UMPS: variants seen among roughly 807,000 people sequenced by gnomAD.
The protein encoded by UMPS is uridine 5'-monophosphate synthase.
Under a neutral mutation model 38.9 loss-of-function variants are expected in UMPS, and 21 were observed. The ratio of observed to expected loss-of-function variants is 0.54; its 90% CI spans 0.38 to 0.78. UMPS has a LOEUF of 0.78. UMPS is among the 30% of genes least tolerant of loss of function. The probability of loss-of-function intolerance (pLI) is 0.00; values close to 1 mark genes in which losing one functional copy is unlikely to be tolerated. For missense variants in UMPS, 533 were observed against 591.6 expected, an observed-to-expected ratio of 0.90 and a Z score of 1.03; for synonymous variants, 208 against 219.3, an observed-to-expected ratio of 0.95 and a Z score of 0.45.
chr3:124,744,062 A>G lies in UMPS; in HGVS notation c.1421A>G (p.Tyr474Cys). The G allele has an allele frequency of 1.2e-6, 2 of 1,614,104 alleles. No homozygotes were observed. Among genetic ancestry groups the G allele is most frequent in the Non-Finnish European group, 1.7e-6 (2 of 1,179,972 alleles). The change falls in exon 6 of 6, where the codon TAT becomes TGT. Residue 474 changes from tyrosine to cysteine, a missense_variant. Coordinates refer to ENST00000232607, the MANE Select transcript of UMPS (RefSeq NM_000373.4). ...EMYRKAAWEAYLSRLGV is the reference protein window; with the variant it reads ...EMYRKAAWEACLSRLGV The stretch of plus-strand genomic sequence containing the variant: ...TACAGAAAAGCTGCTTGGGAAGCGT[A>G]TTTGAGTAGACTTGGTGTTTGAGTG...
chr3:124,748,946 A>G lies in UMPS; in HGVS notation c.*4862A>G, dbSNP rs886057898. The G allele has an allele frequency of 8.8e-6, 4 of 453,214 alleles. No homozygotes were observed. The highest frequency in any genetic ancestry group is 1.8e-5 in the Non-Finnish European group (4 of 226,276). 28.1% of individuals were successfully genotyped at this position (453,214 alleles called of 1,614,324 possible). A position where few individuals can be genotyped will look rare whatever the true frequency, so the allele number is the denominator to read the frequency against. On this transcript the variant is annotated 3_prime_UTR_variant, in exon 6 of 6. Transcript: ENST00000232607. Reference sequence around the variant, plus strand: ...GGTAAGGACAGTCAGTGGGAAGTGGACGGGCCGCACAACCAAGGTTCTCAT... The same window carrying G: ...GGTAAGGACAGTCAGTGGGAAGTGGGCGGGCCGCACAACCAAGGTTCTCAT...
chr3:124,742,089 T>C lies in UMPS; in HGVS notation c.1159-63T>C, dbSNP rs948016117. The C allele has an allele frequency of 4.0e-6, 5 of 1,263,672 alleles. No individual in the cohort carries two copies. The Admixed American group carries it at 9.3e-5, about 24-fold the overall frequency. 78.3% of individuals were successfully genotyped at this position (1,263,672 alleles called of 1,614,324 possible). On this transcript the variant is annotated intron_variant, in intron 4 of 5. Coordinates refer to ENST00000232607, the MANE Select transcript of UMPS (RefSeq NM_000373.4). The stretch of plus-strand genomic sequence containing the variant: ...TAAGTTTTGAAAAAATAGAGCATAT[T>C]TTTACTTTTATTCTGTGTGATTAAC...
At chr3:124,738,329 T>C (rs1245015687) in intron 3 of UMPS, 90 bp downstream of exon 3, 1 of 1,412,164 alleles carries the variant, frequency 7.1e-7, no homozygotes, top group Non-Finnish European at 9.8e-7. Context: ...TGAAAGTCCA[T>C]TCATAGAGCA....
chr3:124,732,980 G>GTT (rs1280173673), intron 1 of UMPS, among the ~76,000 whole-genome samples: 12 of 151,352 alleles, frequency 7.9e-5, no homozygotes. Context: ...GTGTGTGTGT[G>GTT]TGTGTGTGTG....
At chr3:124,735,589 A>G (rs1312555349) in intron 2 of UMPS, among the ~76,000 whole-genome samples, 1 of 152,126 alleles carries the variant, frequency 6.6e-6, no homozygotes, top group Non-Finnish European at 1.5e-5. Context: ...AAAGTAATCC[A>G]TGGATAAAAT....
In UMPS at chr3:124,738,428, T is replaced by C. The variant is rs796845242; in HGVS notation, c.982+189T>C. On this transcript the variant is annotated intron_variant, in intron 3 of 5. Coordinates refer to ENST00000232607, the MANE Select transcript of UMPS (RefSeq NM_000373.4). ...TCTCTCAGCTCTGCTTTCTTCTCTGTTGACTTCTTTCTCAGGTAGGCATAC... is the reference window on the plus strand; with the variant it reads ...TCTCTCAGCTCTGCTTTCTTCTCTGCTGACTTCTTTCTCAGGTAGGCATAC... 1.4e-5 allele frequency: 9 copies of C among 623,256 alleles called. No individual in the cohort carries two copies. In the African/African-American group the frequency reaches 1.6e-4, roughly 11 times the overall value. 38.6% of individuals were successfully genotyped at this position (623,256 alleles called of 1,614,324 possible). A position where few individuals can be genotyped will look rare whatever the true frequency, so the allele number is the denominator to read the frequency against.
At chr3:124,740,269 C>T (rs1177151423) in intron 4 of UMPS, 70 bp downstream of exon 4, 3 of 1,475,216 alleles carry the variant, frequency 2.0e-6, no homozygotes, top group Non-Finnish European at 1.8e-6. Context: ...AAGATATCTC[C>T]TAATCTGGCG....
At position 124,745,947 on chromosome 3, in the gene UMPS, T is replaced by C. The variant is rs1453575849; in HGVS notation, c.*1863T>C. The C allele has an allele frequency of 4.4e-6, 2 of 454,030 alleles. No homozygotes were observed. The highest frequency in any genetic ancestry group is 8.8e-6 in the Non-Finnish European group (2 of 226,810). 28.1% of individuals were successfully genotyped at this position (454,030 alleles called of 1,614,324 possible). Reference sequence around the variant, plus strand: ...GTACCAGCCCCACCCGCAGCGTTTCTGACTCTGGGTAGCTCTGGGATGGGG... The same window carrying C: ...GTACCAGCCCCACCCGCAGCGTTTCCGACTCTGGGTAGCTCTGGGATGGGG... On this transcript the variant is annotated 3_prime_UTR_variant, in exon 6 of 6. Transcript: ENST00000232607.
chr3:124,739,518 G>A (rs939621187), intron 3 of UMPS, among the ~76,000 whole-genome samples: 3 of 152,078 alleles, frequency 2.0e-5, no homozygotes, highest in Admixed American at 6.5e-5. Context: ...ATTTTTGGTA[G>A]AGATGGAGTT....
intron 2 of UMPS, among the ~76,000 whole-genome samples, chr3:124,735,491 A>G (rs1349553217): frequency 6.9e-6 from 1 of 144,796 alleles, no homozygotes; most frequent in Admixed American, 6.9e-5. Context: ...AAACTCCAAC[A>G]TTTTTTTTTT....
In UMPS at chr3:124,740,178, T is replaced by G. The variant is rs1204883984; in HGVS notation, c.1137T>G (p.Thr379=). 1 of 1,613,024 alleles carries G rather than the reference T, an allele frequency of 6.2e-7. No homozygotes were observed. Among genetic ancestry groups the G allele is most frequent in the African/African-American group, 1.3e-5 (1 of 74,908 alleles). Residue 379 remains threonine, a synonymous_variant, in exon 4 of 6, where the codon ACT becomes ACG. Coordinates refer to ENST00000232607, the MANE Select transcript of UMPS (RefSeq NM_000373.4). ...AEMSSTGSLA[T]GDYTRAAVRM... Reference sequence around the variant, plus strand: ...TGAGCTCCACCGGCTCCCTGGCCACTGGGGACTACACTAGAGCAGCGGTAA... The same window carrying G: ...TGAGCTCCACCGGCTCCCTGGCCACGGGGGACTACACTAGAGCAGCGGTAA...
intron 5 of UMPS, 27 bp from the exon 6 acceptor site, chr3:124,743,888 A>AGAC: frequency 6.2e-7 from 1 of 1,613,628 alleles, no homozygotes; most frequent in Non-Finnish European, 8.5e-7. Context: ...GTATTATGTG[A>AGAC]AACAACAATT....
At chr3:124,735,684 CCCGAAAATTTGTCCAGGCA>C (rs2063512885) in intron 2 of UMPS, among the ~76,000 whole-genome samples, 1 of 152,138 alleles carries the variant, frequency 6.6e-6, no homozygotes, top group South Asian at 2.1e-4. Flanking sequence ...TGCTTTAAAA[CCCGAAAATTTGTCCAGGCA>C]CCATGGCTCA....
Position 124,738,226 on chromosome 3 carries a change from A to G in UMPS, c.969A>G (p.Lys323=), listed in dbSNP as rs2063531198. Residue 323 remains lysine, a synonymous_variant, in exon 3 of 6, where the codon AAA becomes AAG. Transcript: ENST00000232607. ...RKFADIGNTV[K]KQYEGGIFKI... ...TTGCAGATATAGGAAACACAGTGAA[A>G]AAGCAGTATGAAGGTAAGTGTATTA... 3.1e-6 allele frequency: 5 copies of G among 1,613,910 alleles called. No individual in the cohort carries two copies. Among genetic ancestry groups the G allele is most frequent in the Non-Finnish European group, 4.2e-6 (5 of 1,180,042 alleles).
intron 1 of UMPS, 36 bp from the exon 2 acceptor site, chr3:124,735,057 C>A (rs777595337): frequency 1.6e-5 from 25 of 1,575,110 alleles, no homozygotes; most frequent in Non-Finnish European, 2.0e-5. Flanking sequence ...AAAATAGTTA[C>A]AATAAAACAT....
At chr3:124,737,318 TTA>T in intron 2 of UMPS, 1 of 466,326 alleles carries the variant, frequency 2.1e-6, no homozygotes, top group Non-Finnish European at 3.8e-6. Flanking sequence ...TAAGCAGTGT[TTA>T]TAATGTGAAA....
Position 124,740,143 on chromosome 3 carries a change from A to G in UMPS, c.1102A>G (p.Ile368Val), listed in dbSNP as rs971126004. ...GLPLHRGCLL[I>V]AEMSSTGSLA... Reference sequence around the variant, plus strand: ...GCCTTTGCATCGGGGGTGCCTCCTTATTGCGGAAATGAGCTCCACCGGCTC... The same window carrying G: ...GCCTTTGCATCGGGGGTGCCTCCTTGTTGCGGAAATGAGCTCCACCGGCTC... The change falls in exon 4 of 6, where the codon ATT becomes GTT. Residue 368 changes from isoleucine (I) to valine (V), a missense_variant. Coordinates refer to ENST00000232607, the MANE Select transcript of UMPS (RefSeq NM_000373.4). 3 of 1,613,610 alleles carry G rather than the reference A, an allele frequency of 1.9e-6. No individual in the cohort carries two copies. The highest frequency in any genetic ancestry group is 2.5e-6 in the Non-Finnish European group (3 of 1,179,972).
In UMPS at chr3:124,746,493, AGAG is replaced by A. The variant is rs886057878; in HGVS notation, c.*2410_*2412del. ...CTTTAGAGGACAAGTTGATTCAGGC[AGAG>A]AAGAACTTGGGCTATACAAGCGCTG... On this transcript the variant is annotated 3_prime_UTR_variant, in exon 6 of 6. Transcript: ENST00000232607. The A allele has an allele frequency of 1.7e-4, 77 of 452,006 alleles. No homozygotes were observed. The highest frequency in any genetic ancestry group is 1.4e-3 in the African/African-American group (67 of 48,090). 28.0% of individuals were successfully genotyped at this position (452,006 alleles called of 1,614,324 possible). A position where few individuals can be genotyped will look rare whatever the true frequency, so the allele number is the denominator to read the frequency against.
rs775451285 is a variant in UMPS at position 124,738,248 on chromosome 3, A to G, written c.982+9A>G. 54 of 1,613,142 alleles carry G rather than the reference A, an allele frequency of 3.3e-5. No homozygotes were observed. The highest frequency in any genetic ancestry group is 4.4e-5 in the Non-Finnish European group (52 of 1,179,674). ...GAAAAAGCAGTATGAAGGTAAGTGT[A>G]TTATTCAGGAATCTGCAAGAATCAG... On this transcript the variant is annotated intron_variant, in intron 3 of 5. Coordinates refer to ENST00000232607, the MANE Select transcript of UMPS (RefSeq NM_000373.4).
Sources: gnomAD v4.1 joint callset for allele counts (sites outside exome capture counted in the v4.1 genomes callset) on GRCh38, gnomAD v4.1.1 for gene constraint, MANE v1.5 for transcripts, NCBI Gene and HGNC (gene_info 2026-07-23, HGNC 2026-07-21) for gene names.